BCAS3: variants seen among roughly 807,000 people sequenced by gnomAD.
BCAS3 encodes BCAS4/BCAS3 fusion.
A neutral mutation model predicts 116.1 loss-of-function variants in BCAS3; 53 were observed. The observed-to-expected ratio is 0.46, with a 90% CI of 0.37 to 0.57. The LOEUF (loss-of-function observed/expected upper bound fraction) is 0.57. Among genes scored for constraint, BCAS3 ranks in the 20% least tolerant of loss-of-function variants. BCAS3 has a pLI of 0.00. For synonymous variants in BCAS3, 391 were observed against 408.2 expected (o/e 0.96, Z 0.51); for missense variants, 917 against 1,165.4 (o/e 0.79, Z 3.10).
At chr17:61,030,601 C>T (rs557219783) in intron 16 of BCAS3, among the ~76,000 whole-genome samples, 6 of 152,048 alleles carry the variant, frequency 3.9e-5, no homozygotes, top group Admixed American at 1.3e-4. Context: ...GACAGTTAAG[C>T]GTTTCCTCAG....
rs992395611 is a variant in BCAS3 at position 61,354,312 on chromosome 17, C to T, written c.2426-14015C>T. The T allele has an allele frequency of 1.3e-5, 2 of 152,212 alleles. No individual in the cohort carries two copies. The highest frequency in any genetic ancestry group is 6.5e-5 in the Admixed American group (1 of 15,284). 9.4% of individuals were successfully genotyped at this position (152,212 alleles called of 1,614,324 possible). A position where few individuals can be genotyped will look rare whatever the true frequency, so the allele number is the denominator to read the frequency against. Reference sequence around the variant, plus strand: ...GAGAGAATTATGAGAAAAATATGTACTTATTCTGTGAAAATATGTGAGATT... The same window carrying T: ...GAGAGAATTATGAGAAAAATATGTATTTATTCTGTGAAAATATGTGAGATT... On this transcript the variant is annotated intron_variant, in intron 22 of 23. Transcript: ENST00000407086. The surrounding 1 kb of genome is among the most constrained non-coding windows in gnomAD (Gnocchi z 4.5).
At position 61,365,782 on chromosome 17, in the gene BCAS3, G is replaced by T. The variant is rs62069658; in HGVS notation, c.2426-2545G>T. ...GACAGACCTCCTGCTCTTGTGAAGT[G>T]AGAAAACAAATGGTCATTCTCTTCC... is the stretch of plus-strand genomic sequence containing the variant. On this transcript the variant is annotated intron_variant, in intron 22 of 23. Coordinates refer to ENST00000407086, the MANE Select transcript of BCAS3 (RefSeq NM_017679.5). The surrounding 1 kb of genome is among the most constrained non-coding windows in gnomAD (Gnocchi z 4.6). 2.7e-4 allele frequency among the ~76,000 whole-genome samples: 41 copies of T among 152,116 alleles called. No individual in the cohort carries two copies. The highest frequency in any genetic ancestry group is 4.6e-4 in the Non-Finnish European group (31 of 68,016).
intron 22 of BCAS3, among the ~76,000 whole-genome samples, chr17:61,310,536 A>G (rs2054213986): frequency 6.7e-6 from 1 of 149,254 alleles, no homozygotes; most frequent in African/African-American, 2.5e-5. Flanking sequence ...CCTGGGCGAC[A>G]GAGTGAGACT....
At chr17:60,943,689 C>A (rs2060337375) in intron 13 of BCAS3, among the ~76,000 whole-genome samples, 1 of 151,988 alleles carries the variant, frequency 6.6e-6, no homozygotes, top group African/African-American at 2.4e-5. Flanking sequence ...AACATCACTA[C>A]CAATTACATA....
Position 61,037,965 on chromosome 17 carries a change from G to T in BCAS3, c.1839G>T (p.Glu613Asp), listed in dbSNP as rs2067173619. 1 of 1,613,914 alleles carries T rather than the reference G, an allele frequency of 6.2e-7. No individual in the cohort carries two copies. Among genetic ancestry groups the T allele is most frequent in the African/African-American group, 1.3e-5 (1 of 74,886 alleles). The stretch of plus-strand genomic sequence containing the variant: ...GCACCTTAGTGGAACACATGATGGA[G>T]CCGCGACCCCTCAGCACTGCACCCA... ...CYGTLVEHMM[E>D]PRPLSTAPKI... The change falls in exon 18 of 24, where the codon GAG (glutamate) becomes GAT (aspartate). Residue 613 changes from glutamate (E) to aspartate (D), a missense_variant. By Grantham distance (45) the Glu-to-Asp change is conservative. Coordinates refer to ENST00000407086, the MANE Select transcript of BCAS3 (RefSeq NM_017679.5). The surrounding 1 kb of genome is among the most constrained non-coding windows in gnomAD (Gnocchi z 4.7).
intron 5 of BCAS3, among the ~76,000 whole-genome samples, chr17:60,709,793 G>C (rs539212252): frequency 6.6e-6 from 1 of 152,236 alleles, no homozygotes; most frequent in South Asian, 2.1e-4. Flanking sequence ...GCATAATATT[G>C]GTCTTATTTT....
At position 61,180,081 on chromosome 17, in the gene BCAS3, T is replaced by C. The variant is rs2079393322; in HGVS notation, c.2425+95517T>C. Among the ~76,000 whole-genome samples, 1 of 152,114 alleles carries C rather than the reference T, an allele frequency of 6.6e-6. No homozygotes were observed. The highest frequency in any genetic ancestry group is 1.5e-5 in the Non-Finnish European group (1 of 68,008). On this transcript the variant is annotated intron_variant, in intron 22 of 23. Transcript: ENST00000407086. The surrounding 1 kb of genome is among the most constrained non-coding windows in gnomAD (Gnocchi z 6.0). ...GAGACACATACACAGAGTTTCTATG[T>C]AATTAATTCCTGGTATTGAGATATT...
At chr17:61,086,280 A>T (rs946645194) in intron 22 of BCAS3, among the ~76,000 whole-genome samples, 1 of 152,076 alleles carries the variant, frequency 6.6e-6, no homozygotes, top group Non-Finnish European at 1.5e-5. Flanking sequence ...TTTAGTAGAG[A>T]TGGGGTTTCA....
chr17:61,093,461 A>G (rs959801917), intron 22 of BCAS3, among the ~76,000 whole-genome samples: 3 of 152,038 alleles, frequency 2.0e-5, no homozygotes, highest in African/African-American at 7.2e-5. Flanking sequence ...GTGGTGCACA[A>G]CTGTTGTCCC....
Position 61,391,775 on chromosome 17 carries a change from C to A in BCAS3, c.2594-202C>A. 1 of 616,556 alleles carries A rather than the reference C, an allele frequency of 1.6e-6. No homozygotes were observed. The highest frequency in any genetic ancestry group is 1.9e-5 in the South Asian group (1 of 51,490). 38.2% of individuals were successfully genotyped at this position (616,556 alleles called of 1,614,324 possible). A position where few individuals can be genotyped will look rare whatever the true frequency, so the allele number is the denominator to read the frequency against. Reference sequence around the variant, plus strand: ...TGCTCTCACACCAGAGTCTGCCAGCCAGGGGGCTTTCCCTCCCCTGGCTGA... The same window carrying A: ...TGCTCTCACACCAGAGTCTGCCAGCAAGGGGGCTTTCCCTCCCCTGGCTGA... On this transcript the variant is annotated intron_variant, in intron 23 of 23. Transcript: ENST00000407086. This position sits in a 1 kb window ranked among gnomAD's most constrained non-coding sequence, Gnocchi z 7.7.
At chr17:61,076,066 G>A (rs1200541329) in intron 20 of BCAS3, among the ~76,000 whole-genome samples, 3 of 152,140 alleles carry the variant, frequency 2.0e-5, no homozygotes, top group African/African-American at 7.2e-5. Flanking sequence ...GTCTCCAACA[G>A]CTTCACTGAC....
rs1386673390 is a variant in BCAS3, at chr17:61,004,448, T to C, written c.1487-11303T>C. ...TTCTTAGGATTTGTAGTAGCCAGAGTTTGAATGATTGACCCATATGAACAG... is the reference window on the plus strand; with the variant it reads ...TTCTTAGGATTTGTAGTAGCCAGAGCTTGAATGATTGACCCATATGAACAG... On this transcript the variant is annotated intron_variant, in intron 15 of 23. Transcript: ENST00000407086. This position sits in a 1 kb window ranked among gnomAD's most constrained non-coding sequence, Gnocchi z 4.8. 6.6e-6 allele frequency among the ~76,000 whole-genome samples: 1 copy of C among 151,196 alleles called. No homozygotes were observed. Among genetic ancestry groups the C allele is most frequent in the African/African-American group, 2.4e-5 (1 of 41,132 alleles).
At position 61,083,819 on chromosome 17, in the gene BCAS3, T is replaced by C. The variant is rs999740944; in HGVS notation, c.2328-648T>C. 6.6e-6 allele frequency among the ~76,000 whole-genome samples: 1 copy of C among 152,046 alleles called. No individual in the cohort carries two copies. Among genetic ancestry groups the C allele is most frequent in the Non-Finnish European group, 1.5e-5 (1 of 67,994 alleles). On this transcript the variant is annotated intron_variant, in intron 21 of 23. Coordinates refer to ENST00000407086, the MANE Select transcript of BCAS3 (RefSeq NM_017679.5). This position sits in a 1 kb window ranked among gnomAD's most constrained non-coding sequence, Gnocchi z 4.9. ...CCGTGTTAGCCAGGATGGATGTTTA[T>C]TATTCTTAAGCAACTTTAAATTGTG...
chr17:60,873,112 A>G (rs1376856407), intron 8 of BCAS3, among the ~76,000 whole-genome samples: 2 of 152,146 alleles, frequency 1.3e-5, no homozygotes, highest in Non-Finnish European at 2.9e-5. Context: ...AGTAATTCTA[A>G]AATTTGATAT....
Position 61,186,531 on chromosome 17 carries a change from A to G in BCAS3, c.2425+101967A>G, listed in dbSNP as rs1262869521. 2.0e-5 allele frequency among the ~76,000 whole-genome samples: 3 copies of G among 152,202 alleles called. No individual in the cohort carries two copies. The South Asian group carries it at 6.2e-4, about 31-fold the overall frequency. ...ATATGTTTTTTCCTGCTTTCTAAATATGGTCATAAATATGCTCATAACTTA... is the reference window on the plus strand; with the variant it reads ...ATATGTTTTTTCCTGCTTTCTAAATGTGGTCATAAATATGCTCATAACTTA... On this transcript the variant is annotated intron_variant, in intron 22 of 23. Transcript: ENST00000407086. This position sits in a 1 kb window ranked among gnomAD's most constrained non-coding sequence, Gnocchi z 4.9.
chr17:61,143,845 A>G (rs1275821125), intron 22 of BCAS3, among the ~76,000 whole-genome samples: 1 of 152,186 alleles, frequency 6.6e-6, no homozygotes, highest in Non-Finnish European at 1.5e-5. Flanking sequence ...TATAAGTCAC[A>G]GAAAGATAGG....
chr17:60,917,281 C>T (rs1255905810), intron 12 of BCAS3, among the ~76,000 whole-genome samples: 1 of 152,156 alleles, frequency 6.6e-6, no homozygotes, highest in Non-Finnish European at 1.5e-5. Flanking sequence ...CCATCTGAAA[C>T]TGAAAGTCTC....
rs368256044 is a variant in BCAS3 at position 61,251,567 on chromosome 17, C to G, written c.2426-116760C>G. On this transcript the variant is annotated intron_variant, in intron 22 of 23. Transcript: ENST00000407086. The surrounding 1 kb of genome is among the most constrained non-coding windows in gnomAD (Gnocchi z 4.7). ...CCTGGGCAACAAGAGCGAAACTCCACCTCAAAAAAAAAAAAAAGAAAAGAA... is the reference window on the plus strand; with the variant it reads ...CCTGGGCAACAAGAGCGAAACTCCAGCTCAAAAAAAAAAAAAAGAAAAGAA... 6.4e-3 allele frequency among the ~76,000 whole-genome samples: 113 copies of G among 17,740 alleles called. 2 individuals are homozygous for G. The highest frequency in any genetic ancestry group is 0.02 in the African/African-American group (111 of 5,436). 11.6% of individuals were successfully genotyped at this position (17,740 alleles called of 152,430 possible). A position where few individuals can be genotyped will look rare whatever the true frequency, so the allele number is the denominator to read the frequency against.
chr17:61,388,898 A>G lies in BCAS3; in HGVS notation c.2594-3079A>G, dbSNP rs2059988450. The stretch of plus-strand genomic sequence containing the variant: ...CCCACAAAGCTGCCCCGGGGCCAGC[A>G]GGCCCCCGATTCTTTCAGTTAGTCT... On this transcript the variant is annotated intron_variant, in intron 23 of 23. Transcript: ENST00000407086. The surrounding 1 kb of genome is among the most constrained non-coding windows in gnomAD (Gnocchi z 6.5). The G allele has an allele frequency of 1.0e-5, 6 of 580,710 alleles. No homozygotes were observed. Among genetic ancestry groups the G allele is most frequent in the Non-Finnish European group, 1.8e-5 (6 of 330,632 alleles). 36.0% of individuals were successfully genotyped at this position (580,710 alleles called of 1,614,324 possible).
Sources: allele counts gnomAD v4.1 joint callset (sites outside exome capture counted in the v4.1 genomes callset), GRCh38; gene constraint gnomAD v4.1.1; non-coding constraint Gnocchi (gnomAD v3.1); transcripts MANE v1.5; gene names NCBI Gene and HGNC (gene_info 2026-07-23, HGNC 2026-07-21).